The following PPM1L variants were observed in gnomAD, a reference collection of about 807,000 sequenced individuals.
PPM1L encodes the protein protein phosphatase 1L.
PPM1L carries 13 observed loss-of-function variants against 31.4 expected under a neutral mutation model. The observed-to-expected ratio is 0.41, with a 90% CI of 0.27 to 0.66. PPM1L has a LOEUF of 0.66. PPM1L is among the 30% of genes least tolerant of loss of function. The probability of loss-of-function intolerance (pLI) is 0.29; values close to 1 mark genes in which losing one functional copy is unlikely to be tolerated. For synonymous variants in PPM1L, 184 were observed against 175.4 expected, an observed-to-expected ratio of 1.05 and a Z score of -0.39; for missense variants, 326 against 453.7, an observed-to-expected ratio of 0.72 and a Z score of 2.56.
intron 1 of PPM1L, among the ~76,000 whole-genome samples, chr3:160,914,821 G>C (rs1243875501): frequency 6.6e-6 from 1 of 151,972 alleles, no homozygotes; most frequent in Admixed American, 6.6e-5. Context: ...GGGATTGCTG[G>C]GTCAAATGGT....
intron 1 of PPM1L, among the ~76,000 whole-genome samples, chr3:160,814,705 ATATATATGTGTATGTATACGTG>A (rs200476417): frequency 1.8e-4 from 26 of 146,514 alleles, no homozygotes; most frequent in Admixed American, 4.8e-4. Context: ...GTATATGTGT[ATATATATGTGTATGTATACGTG>A]TATATATGTA....
At chr3:161,002,860 A>T (rs1457371678) in intron 2 of PPM1L, among the ~76,000 whole-genome samples, 1 of 135,860 alleles carries the variant, frequency 7.4e-6, no homozygotes, top group African/African-American at 2.8e-5. Flanking sequence ...CCATTTGTCA[A>T]TTTTGGCTTT....
chr3:160,812,841 C>T lies in PPM1L; in HGVS notation c.399+56134C>T, dbSNP rs771907027. On this transcript the variant is annotated intron_variant, in intron 1 of 3. Transcript: ENST00000498165. ...AAATTAGGGTTCTACACCGCTAGTACATGGCTGCATTTAGCAGGAAAGTGA... is the reference window on the plus strand; with the variant it reads ...AAATTAGGGTTCTACACCGCTAGTATATGGCTGCATTTAGCAGGAAAGTGA... 5.3e-5 allele frequency among the ~76,000 whole-genome samples: 8 copies of T among 152,166 alleles called. 1 individual carries two copies. The highest frequency in any genetic ancestry group is 2.0e-4 in the Admixed American group (3 of 15,280).
intron 2 of PPM1L, among the ~76,000 whole-genome samples, chr3:160,978,990 A>G (rs1716706435): frequency 6.6e-6 from 1 of 152,070 alleles, no homozygotes; most frequent in Non-Finnish European, 1.5e-5. Context: ...TATATTGAAC[A>G]TGTAGAATAT....
At chr3:161,065,088 T>G (rs1216847705) in intron 2 of PPM1L, among the ~76,000 whole-genome samples, 2 of 152,082 alleles carry the variant, frequency 1.3e-5, no homozygotes, top group South Asian at 2.1e-4. Context: ...TGACTGAAAC[T>G]TCAAACGATT....
chr3:160,808,414 T>TGTGTGTGTGTGTGTGC (rs1712701817), intron 1 of PPM1L, among the ~76,000 whole-genome samples: 1 of 111,536 alleles, frequency 9.0e-6, no homozygotes, highest in African/African-American at 4.2e-5. Flanking sequence ...TGTGTGTGTG[T>TGTGTGTGTGTGTGTGC]GTGTGTGTGG....
intron 2 of PPM1L, among the ~76,000 whole-genome samples, chr3:161,028,591 T>A (rs539298622): frequency 6.6e-6 from 1 of 152,110 alleles, no homozygotes; most frequent in Non-Finnish European, 1.5e-5. Flanking sequence ...CAGCTCAAAG[T>A]CAGCTCAAAG....
At chr3:160,938,810 T>C (rs1715063400) in intron 1 of PPM1L, among the ~76,000 whole-genome samples, 1 of 152,214 alleles carries the variant, frequency 6.6e-6, no homozygotes, top group Admixed American at 6.5e-5. Flanking sequence ...CCAGATTTCC[T>C]AGTCTTGTTC....
At chr3:160,821,676 A>G (rs1314931352) in intron 1 of PPM1L, among the ~76,000 whole-genome samples, 1 of 152,050 alleles carries the variant, frequency 6.6e-6, no homozygotes, top group African/African-American at 2.4e-5. Flanking sequence ...TTTCTCCACT[A>G]GTTATGACAT....
chr3:160,978,388 G>T (rs1288154552), intron 2 of PPM1L, among the ~76,000 whole-genome samples: 1 of 152,196 alleles, frequency 6.6e-6, no homozygotes, highest in Non-Finnish European at 1.5e-5. Flanking sequence ...GGTCTCCACA[G>T]TGGTGGCGGA....
intron 1 of PPM1L, among the ~76,000 whole-genome samples, chr3:160,757,450 G>A (rs780085041): frequency 2.6e-5 from 4 of 152,262 alleles, no homozygotes; most frequent in Non-Finnish European, 5.9e-5. Flanking sequence ...ACGTCGTCCT[G>A]CTTCTAGATT....
intron 1 of PPM1L, among the ~76,000 whole-genome samples, chr3:160,780,514 G>A (rs536953612): frequency 1.5e-4 from 23 of 152,174 alleles, no homozygotes; most frequent in African/African-American, 5.3e-4. Flanking sequence ...ATTATAAAAG[G>A]CTAATAAACA....
chr3:160,810,978 T>C (rs1712786818), intron 1 of PPM1L, among the ~76,000 whole-genome samples: 1 of 152,246 alleles, frequency 6.6e-6, no homozygotes, highest in African/African-American at 2.4e-5. Flanking sequence ...TTGATCATAC[T>C]GAAAGAGCCC....
Position 160,919,530 on chromosome 3 carries a change from C to T in PPM1L, c.400-42206C>T, listed in dbSNP as rs934058320. Reference sequence around the variant, plus strand: ...GATGGATGGAGGAAGGCTCTTGGAGCGAGAGAGGACGTCTGTTGCAAATAT... The same window carrying T: ...GATGGATGGAGGAAGGCTCTTGGAGTGAGAGAGGACGTCTGTTGCAAATAT... On this transcript the variant is annotated intron_variant, in intron 1 of 3. Coordinates refer to ENST00000498165, the MANE Select transcript of PPM1L (RefSeq NM_139245.4). Among the ~76,000 whole-genome samples, 8 of 152,122 alleles carry T rather than the reference C, an allele frequency of 5.3e-5. No individual in the cohort carries two copies. The South Asian group carries it at 8.3e-4, about 16-fold the overall frequency.
rs992159329 is a variant in PPM1L at position 161,075,025 on chromosome 3, T to C, written c.*5868T>C. Reference sequence around the variant, plus strand: ...AGGACATTGAGCACAAGCAGATTACTGTAAGGGCACTGGTGGCAGATTGTG... The same window carrying C: ...AGGACATTGAGCACAAGCAGATTACCGTAAGGGCACTGGTGGCAGATTGTG... On this transcript the variant is annotated 3_prime_UTR_variant, in exon 4 of 4. Transcript: ENST00000498165. The C allele has an allele frequency of 3.3e-5, 5 of 152,044 alleles. No individual in the cohort carries two copies. The highest frequency in any genetic ancestry group is 1.2e-4 in the African/African-American group (5 of 41,392). 9.4% of individuals were successfully genotyped at this position (152,044 alleles called of 1,614,324 possible). A position where few individuals can be genotyped will look rare whatever the true frequency, so the allele number is the denominator to read the frequency against.
chr3:160,801,180 C>G (rs1402185180), intron 1 of PPM1L, among the ~76,000 whole-genome samples: 1 of 150,636 alleles, frequency 6.6e-6, no homozygotes, highest in Non-Finnish European at 1.5e-5. Flanking sequence ...AATTTTTTGC[C>G]CTTTAATATT....
At chr3:160,813,947 G>A (rs1311493148) in intron 1 of PPM1L, among the ~76,000 whole-genome samples, 1 of 152,142 alleles carries the variant, frequency 6.6e-6, no homozygotes, top group Non-Finnish European at 1.5e-5. Context: ...TCTGAAACAA[G>A]TAAAATGCAC....
chr3:160,894,423 T>A (rs1713266623), intron 1 of PPM1L, among the ~76,000 whole-genome samples: 1 of 152,164 alleles, frequency 6.6e-6, no homozygotes, highest in South Asian at 2.1e-4. Flanking sequence ...AGTATGCAAG[T>A]TTTATCATAT....
chr3:160,844,291 C>G (rs1714003110), intron 1 of PPM1L, among the ~76,000 whole-genome samples: 1 of 152,110 alleles, frequency 6.6e-6, no homozygotes, highest in African/African-American at 2.4e-5. Context: ...ATCCTTTAGC[C>G]TTCAGACTTT....
Sources: gnomAD v4.1 joint callset for allele counts (sites outside exome capture counted in the v4.1 genomes callset) on GRCh38, gnomAD v4.1.1 for gene constraint, MANE v1.5 for transcripts, NCBI Gene and HGNC (gene_info 2026-07-23, HGNC 2026-07-21) for gene names.